Variants in ANK2 observed in about 807,000 individuals in gnomAD.
The protein encoded by ANK2 is ankyrin-2.
In ANK2, 83 loss-of-function variants were observed where a neutral mutation model predicts 360.5. The observed-to-expected ratio is 0.23, with a 90% CI of 0.19 to 0.28. The LOEUF (loss-of-function observed/expected upper bound fraction) is 0.28. Ranked by LOEUF, ANK2 falls within the 10% of genes least tolerant of loss-of-function variation. The pLI is 1.00. For synonymous variants in ANK2, 1,740 were observed against 1,759.5 expected (o/e 0.99, Z 0.28); for missense variants, 4,201 against 4,795.7 (o/e 0.88, Z 3.66).
At chr4:112,932,375 C>T (rs1468461246) in intron 2 of ANK2, among the ~76,000 whole-genome samples, 1 of 151,830 alleles carries the variant, frequency 6.6e-6, no homozygotes, top group Admixed American at 6.6e-5. Flanking sequence ...GCCTGTAATC[C>T]CAGCTACTCA....
intron 1 of ANK2, among the ~76,000 whole-genome samples, chr4:112,842,591 A>G (rs2062355269): frequency 1.3e-5 from 2 of 152,194 alleles, no homozygotes; most frequent in Non-Finnish European, 2.9e-5. Flanking sequence ...CCCGTAACTT[A>G]GATCCCTTGC....
At chr4:112,885,671 C>A (rs1207751078) in intron 1 of ANK2, among the ~76,000 whole-genome samples, 2 of 151,228 alleles carry the variant, frequency 1.3e-5, no homozygotes, top group Admixed American at 6.6e-5. Context: ...GTGGCGGGCA[C>A]CTGTAGTCCC....
upstream of ANK2, among the ~76,000 whole-genome samples, chr4:113,048,616 C>G (rs542968556): frequency 2.0e-5 from 3 of 151,688 alleles, no homozygotes; most frequent in Admixed American, 1.3e-4. Flanking sequence ...CCACCTTAAT[C>G]AATAAGTGAA....
intron 2 of ANK2, among the ~76,000 whole-genome samples, chr4:113,001,371 C>A (rs2050615854): frequency 6.9e-6 from 1 of 144,384 alleles, no homozygotes; most frequent in South Asian, 2.2e-4. Context: ...TTATGCTTGA[C>A]AATTAATAAA....
Position 113,282,822 on chromosome 4 carries a change from A to G in ANK2, c.2029A>G (p.Met677Val), listed in dbSNP as rs1043594262. The stretch of plus-strand genomic sequence containing the variant: ...GGCCTCGCAGGAGGGGCACACAGAT[A>G]TGGTTACCTTGCTTCTGGATAAGGG... ...HLASQEGHTDMVTLLLDKGAN... is the reference protein window; with the variant it reads ...HLASQEGHTDVVTLLLDKGAN... Residue 677 changes from methionine to valine, a missense_variant, in exon 18 of 46, where the codon ATG (methionine) becomes GTG (valine). Met to Val is a conservative substitution (Grantham distance 21). This residue lies in a region of ANK2 where 1,268 missense variants were observed against 1,650.8 expected (regional missense o/e 0.77). Transcript: ENST00000357077. The G allele has an allele frequency of 5.6e-6, 9 of 1,614,072 alleles. No homozygotes were observed. In the Admixed American group the frequency reaches 6.7e-5, roughly 12 times the overall value.
intron 2 of ANK2, among the ~76,000 whole-genome samples, chr4:112,957,007 GT>G (rs56066718): frequency 0.17 from 11,599 of 66,618 alleles, 543 homozygotes; most frequent in East Asian, 0.34. Flanking sequence ...TATTGCTCTT[GT>G]TTTTTTTTTT....
intron 2 of ANK2, among the ~76,000 whole-genome samples, chr4:112,999,852 T>A (rs2049985866): frequency 6.6e-6 from 1 of 152,178 alleles, no homozygotes; most frequent in Non-Finnish European, 1.5e-5. Flanking sequence ...TAGAGATGAT[T>A]GAACATCAGA....
chr4:112,747,755 G>GT, the ANK2 span, among the ~76,000 whole-genome samples: 1 of 152,176 alleles, frequency 6.6e-6, no homozygotes, highest in Non-Finnish European at 1.5e-5. Context: ...CAGGACAGGA[G>GT]TAACAGAAGA....
chr4:113,048,872 A>G (rs1336005559), upstream of ANK2, among the ~76,000 whole-genome samples: 3 of 151,224 alleles, frequency 2.0e-5, no homozygotes, highest in African/African-American at 4.9e-5. Context: ...TTAATGTGCC[A>G]TGGATTATGC....
intron 24 of ANK2, among the ~76,000 whole-genome samples, chr4:113,312,035 T>G (rs2080241368): frequency 6.6e-6 from 1 of 152,180 alleles, no homozygotes; most frequent in Admixed American, 6.5e-5. Context: ...TTTTTGTTAT[T>G]ATTAACTAGT....
At chr4:112,878,567 C>A (rs1189371815) in intron 1 of ANK2, among the ~76,000 whole-genome samples, 1 of 152,142 alleles carries the variant, frequency 6.6e-6, no homozygotes, top group Non-Finnish European at 1.5e-5. Context: ...CTCAGGTGAT[C>A]CACCTGCCTT....
At chr4:112,962,218 G>T (rs533603587) in intron 2 of ANK2, among the ~76,000 whole-genome samples, 1 of 152,114 alleles carries the variant, frequency 6.6e-6, no homozygotes, top group South Asian at 2.1e-4. Context: ...CTAGTAGTCT[G>T]CAGTGTCTAT....
chr4:112,978,930 T>G (rs2042255512), intron 2 of ANK2, among the ~76,000 whole-genome samples: 1 of 152,232 alleles, frequency 6.6e-6, no homozygotes, highest in South Asian at 2.1e-4. Flanking sequence ...ACTCTGTAGA[T>G]CACTAACATG....
the ANK2 span, among the ~76,000 whole-genome samples, chr4:112,711,194 CA>C: frequency 0.016 from 2,128 of 135,104 alleles, 29 homozygotes; most frequent in African/African-American, 0.039. Context: ...CACACTGTCT[CA>C]AAAAAAAAAA....
the ANK2 span, among the ~76,000 whole-genome samples, chr4:112,786,367 G>C: frequency 6.6e-6 from 1 of 150,540 alleles, no homozygotes; most frequent in African/African-American, 2.4e-5. Flanking sequence ...GAAAGCATCA[G>C]CTTGTTATAT....
chr4:113,321,434 A>C (rs1408807648), intron 26 of ANK2, among the ~76,000 whole-genome samples: 2 of 152,212 alleles, frequency 1.3e-5, no homozygotes, highest in Admixed American at 6.5e-5. Flanking sequence ...CAGGCAAATT[A>C]TTCTCTATTA....
In ANK2 at chr4:113,132,284, TTTCCG is replaced by T. The variant is rs1420338567; in HGVS notation, c.85-42129_85-42125del. Among the ~76,000 whole-genome samples the T allele has an allele frequency of 3.3e-5, 5 of 152,264 alleles. No individual in the cohort carries two copies. In the East Asian group the frequency reaches 9.7e-4, roughly 29 times the overall value. ...ATATAGATGTATTTATCAAAATGCA[TTTCCG>T]TTTTTATATGTTTTAATAATGTCTC... On this transcript the variant is annotated intron_variant, in intron 1 of 45. Coordinates refer to ENST00000357077, the MANE Select transcript of ANK2 (RefSeq NM_001148.6).
chr4:113,073,392 A>G (rs1160061309), intron 1 of ANK2, among the ~76,000 whole-genome samples: 1 of 152,166 alleles, frequency 6.6e-6, no homozygotes, highest in Non-Finnish European at 1.5e-5. Context: ...GACTTCTACT[A>G]AATAAAAAAA....
chr4:113,295,818 ACTGT>A (rs1232055411), intron 22 of ANK2, among the ~76,000 whole-genome samples: 4 of 152,140 alleles, frequency 2.6e-5, no homozygotes, highest in African/African-American at 9.7e-5. Context: ...GTCTCTCTTC[ACTGT>A]CTGCTGCTCT....
Sources: gnomAD v4.1 joint callset for allele counts (sites outside exome capture counted in the v4.1 genomes callset) on GRCh38, gnomAD v4.1.1 for gene constraint, gnomAD v4.1.1 regional missense constraint, MANE v1.5 for transcripts, NCBI Gene and HGNC (gene_info 2026-07-23, HGNC 2026-07-21) for gene names.